CCNY: variants seen among roughly 807,000 people sequenced by gnomAD.
CCNY encodes cyclin-Y.
A neutral mutation model predicts 42.8 loss-of-function variants in CCNY; 19 were observed. The ratio of observed to expected loss-of-function variants is 0.44; its 90% CI spans 0.31 to 0.65. The LOEUF is 0.65. CCNY is among the 30% of genes least tolerant of loss of function. CCNY has a pLI of 0.07. For synonymous variants in CCNY, 165 were observed against 162.7 expected (o/e 1.01, Z -0.11); for missense variants, 370 against 437.3 (o/e 0.85, Z 1.37).
intron 1 of CCNY, among the ~76,000 whole-genome samples, chr10:35,353,613 T>TG (rs2135141760): frequency 6.6e-6 from 1 of 152,322 alleles, no homozygotes; most frequent in Non-Finnish European, 1.5e-5. Context: ...TCCCCAAAGC[T>TG]GGTTCACAGC....
intron 3 of CCNY, among the ~76,000 whole-genome samples, chr10:35,257,899 G>A (rs1178356455): frequency 1.3e-5 from 2 of 152,156 alleles, no homozygotes; most frequent in East Asian, 1.9e-4. Context: ...TGTCCCACAA[G>A]TCCCTTAGAT....
At chr10:35,548,437 C>T (rs1589197681) in intron 7 of CCNY, among the ~76,000 whole-genome samples, 1 of 151,626 alleles carries the variant, frequency 6.6e-6, no homozygotes, top group Non-Finnish European at 1.5e-5. Flanking sequence ...TAGCTGGGAT[C>T]ACAGGCGCGT....
At chr10:35,562,432 G>C (rs775214745) in intron 8 of CCNY, among the ~76,000 whole-genome samples, 19 of 152,010 alleles carry the variant, frequency 1.2e-4, no homozygotes, top group African/African-American at 4.6e-4. Flanking sequence ...CTTCATTTTC[G>C]CAAACTGAAA....
chr10:35,257,107 T>TA (rs1159666061), intron 3 of CCNY, among the ~76,000 whole-genome samples: 1 of 152,204 alleles, frequency 6.6e-6, no homozygotes, highest in Non-Finnish European at 1.5e-5. Context: ...GGCTTCCAGT[T>TA]ACTGCCTAAT....
chr10:35,264,871 C>T (rs1030823948), intron 3 of CCNY, among the ~76,000 whole-genome samples: 3 of 152,188 alleles, frequency 2.0e-5, no homozygotes, highest in Admixed American at 2.0e-4. Flanking sequence ...TCAGGTGATC[C>T]ACCCACCTTG....
intron 3 of CCNY, among the ~76,000 whole-genome samples, chr10:35,514,248 C>CTT (rs1327754142): frequency 6.6e-6 from 1 of 152,154 alleles, no homozygotes; most frequent in Admixed American, 6.5e-5. Flanking sequence ...CCTAAATGGT[C>CTT]TTTAGAGTGT....
At chr10:35,337,278 C>A in intron 1 of CCNY, 71 bp downstream of exon 1, 1 of 1,370,430 alleles carries the variant, frequency 7.3e-7, no homozygotes, top group Non-Finnish European at 9.6e-7. Flanking sequence ...CGGGGCGGCC[C>A]GGCTGCTCTT....
At chr10:35,474,847 C>CT (rs1223575625) in intron 1 of CCNY, among the ~76,000 whole-genome samples, 4 of 152,194 alleles carry the variant, frequency 2.6e-5, no homozygotes, top group South Asian at 2.1e-4. Flanking sequence ...TCAAAATACT[C>CT]TGAGCTACGG....
At chr10:35,329,569 T>C (rs1835917761) in intron 3 of CCNY, among the ~76,000 whole-genome samples, 1 of 152,232 alleles carries the variant, frequency 6.6e-6, no homozygotes, top group Non-Finnish European at 1.5e-5. Context: ...AAAATATTTA[T>C]TTATTCAGAG....
chr10:35,377,886 A>G (rs550809772), intron 1 of CCNY, among the ~76,000 whole-genome samples: 4 of 152,340 alleles, frequency 2.6e-5, no homozygotes, highest in African/African-American at 9.6e-5. Context: ...CAAGAACATC[A>G]TATGTGCTTC....
chr10:35,483,094 C>A (rs1434404234), intron 1 of CCNY, among the ~76,000 whole-genome samples: 9 of 152,180 alleles, frequency 5.9e-5, no homozygotes, highest in Non-Finnish European at 7.3e-5. Flanking sequence ...TCTCTTTAAT[C>A]ACATGCCATA....
chr10:35,473,988 C>G (rs1397655578), intron 1 of CCNY, among the ~76,000 whole-genome samples: 1 of 152,088 alleles, frequency 6.6e-6, no homozygotes, highest in Non-Finnish European at 1.5e-5. Context: ...ACTCGGGAAG[C>G]GCAAGGGGTC....
chr10:35,354,377 G>A (rs1301047114), intron 1 of CCNY, among the ~76,000 whole-genome samples: 1 of 151,902 alleles, frequency 6.6e-6, no homozygotes, highest in East Asian at 1.9e-4. Context: ...GTAGAGACGG[G>A]GTTTCACAAA....
intron 1 of CCNY, among the ~76,000 whole-genome samples, chr10:35,476,681 C>A (rs1434749037): frequency 2.7e-5 from 4 of 149,978 alleles, no homozygotes; most frequent in Admixed American, 2.0e-4. Context: ...CAAGAGAAAG[C>A]AGGAAAGATC....
chr10:35,472,979 A>G (rs1839420153), intron 1 of CCNY, among the ~76,000 whole-genome samples: 1 of 152,214 alleles, frequency 6.6e-6, no homozygotes, highest in Admixed American at 6.5e-5. Context: ...ACTGAATTCA[A>G]CGGAATTGCC....
chr10:35,387,775 C>T (rs1837329639), intron 1 of CCNY, among the ~76,000 whole-genome samples: 1 of 152,204 alleles, frequency 6.6e-6, no homozygotes, highest in South Asian at 2.1e-4. Flanking sequence ...TAAGCATCTT[C>T]TTCCTGAGTG....
Position 35,336,603 on chromosome 10 carries a change from G to C in CCNY, c.-451G>C, listed in dbSNP as rs529628604. Among the ~76,000 whole-genome samples the C allele has an allele frequency of 1.9e-3, 284 of 148,494 alleles. 1 individual carries two copies. The highest frequency in any genetic ancestry group is 6.5e-3 in the African/African-American group (267 of 41,136). Reference sequence around the variant, plus strand: ...GCTCGTCGGCTAGTCCCGCCGTCCGGCGCGGACACGCGTGCCCCCGGCTTG... The same window carrying C: ...GCTCGTCGGCTAGTCCCGCCGTCCGCCGCGGACACGCGTGCCCCCGGCTTG... On this transcript the variant is annotated 5_prime_UTR_variant, in exon 1 of 10. Coordinates refer to ENST00000374704, the MANE Select transcript of CCNY (RefSeq NM_145012.6).
At chr10:35,343,685 C>T (rs552975127) in intron 1 of CCNY, among the ~76,000 whole-genome samples, 9 of 152,280 alleles carry the variant, frequency 5.9e-5, no homozygotes, top group South Asian at 2.1e-4. Context: ...CCACAGTCTC[C>T]GGCCTGATGG....
At chr10:35,472,943 AG>A in intron 1 of CCNY, among the ~76,000 whole-genome samples, 1 of 152,292 alleles carries the variant, frequency 6.6e-6, no homozygotes, top group African/African-American at 2.4e-5. Flanking sequence ...CATATAGTGG[AG>A]ACTCAATGCA....
Sources: gnomAD v4.1 joint callset for allele counts (sites outside exome capture counted in the v4.1 genomes callset) on GRCh38, gnomAD v4.1.1 for gene constraint, MANE v1.5 for transcripts, NCBI Gene and HGNC (gene_info 2026-07-23, HGNC 2026-07-21) for gene names.